TCF12: variants seen among roughly 807,000 people sequenced by gnomAD.
The protein encoded by TCF12 is transcription factor 12.
In TCF12, 45 loss-of-function variants were observed where a neutral mutation model predicts 86.0. That is an observed-to-expected ratio of 0.52 (90% CI 0.41 to 0.67). The LOEUF (loss-of-function observed/expected upper bound fraction) is 0.67, where lower values mean the gene tolerates loss of function less well. Ranked by LOEUF, TCF12 falls within the 30% of genes least tolerant of loss-of-function variation. TCF12 has a pLI of 0.00. For synonymous variants in TCF12, 330 were observed against 299.6 expected (o/e 1.10, Z -1.05); for missense variants, 881 against 859.9 (o/e 1.02, Z -0.31).
rs1555514019 is a variant in TCF12 at position 57,133,639 on chromosome 15, T to TTC, written c.326-32763_326-32762insTC. ...GCAGTAATGTGTTTTTTTTTTTTTT[T>TTC]CCCATCTGTGAATAGCAAGTGCTGG... is the stretch of plus-strand genomic sequence containing the variant. On this transcript the variant is annotated intron_variant, in intron 5 of 20. Transcript: ENST00000333725. Among the ~76,000 whole-genome samples the TTC allele has an allele frequency of 4.6e-5, 7 of 150,548 alleles. No individual in the cohort carries two copies. In the South Asian group the frequency reaches 6.3e-4, roughly 14 times the overall value.
At chr15:57,135,124 T>C (rs537474668) in intron 5 of TCF12, among the ~76,000 whole-genome samples, 132 of 152,294 alleles carry the variant, frequency 8.7e-4, no homozygotes, top group African/African-American at 3.1e-3. Context: ...GATAATGGAT[T>C]GTGGTATATG....
chr15:56,938,065 CAGAT>C (rs1194362581), intron 3 of TCF12, among the ~76,000 whole-genome samples: 6 of 38,916 alleles, frequency 1.5e-4, no homozygotes, highest in South Asian at 1.0e-3. Flanking sequence ...TTTTTTGAGA[CAGAT>C]AGCTAGTATT....
intron 18 of TCF12, among the ~76,000 whole-genome samples, chr15:57,269,851 A>C (rs1226232127): frequency 6.6e-6 from 1 of 152,132 alleles, no homozygotes; most frequent in Non-Finnish European, 1.5e-5. Flanking sequence ...CTGGGTTGAA[A>C]ATTCTTTTCT....
At chr15:57,221,547 T>A (rs538688455) in intron 8 of TCF12, among the ~76,000 whole-genome samples, 1 of 150,568 alleles carries the variant, frequency 6.6e-6, no homozygotes, top group African/African-American at 2.4e-5. Flanking sequence ...GGGAGGGGGG[T>A]AGGGGGAGCT....
chr15:57,178,194 A>G (rs532967667), intron 6 of TCF12, among the ~76,000 whole-genome samples: 6 of 152,196 alleles, frequency 3.9e-5, no homozygotes, highest in African/African-American at 9.7e-5. Flanking sequence ...GGCAGAACAA[A>G]TGAAGCCGGA....
intron 12 of TCF12, among the ~76,000 whole-genome samples, chr15:57,237,948 T>G (rs924275420): frequency 1.3e-5 from 2 of 152,182 alleles, no homozygotes; most frequent in Admixed American, 1.3e-4. Flanking sequence ...CCATACACAT[T>G]CTTTTTATGA....
intron 3 of TCF12, among the ~76,000 whole-genome samples, chr15:56,926,556 C>G (rs575188748): frequency 6.6e-6 from 1 of 152,282 alleles, no homozygotes; most frequent in African/African-American, 2.4e-5. Context: ...ACTGGTCTTA[C>G]AGCTGAGGAA....
chr15:57,091,458 G>C (rs1471665177), intron 4 of TCF12, among the ~76,000 whole-genome samples: 1 of 152,050 alleles, frequency 6.6e-6, no homozygotes, highest in Non-Finnish European at 1.5e-5. Context: ...TAATCTTAGA[G>C]GTAATTTTAG....
At chr15:57,014,335 T>G (rs2566850) in intron 3 of TCF12, among the ~76,000 whole-genome samples, 151,964 of 152,204 alleles carry the variant, frequency 1, 75,864 homozygotes, top group East Asian at 1. Flanking sequence ...GGGCTGTTAG[T>G]CAGGATATTT....
intron 6 of TCF12, among the ~76,000 whole-genome samples, chr15:57,170,719 ATATT>A (rs1567559100): frequency 4.2e-4 from 1 of 2,386 alleles, no homozygotes; most frequent in African/African-American, 1.1e-3. Context: ...TATAATATAT[ATATT>A]ATATATTATA....
intron 3 of TCF12, among the ~76,000 whole-genome samples, chr15:56,956,654 G>A (rs1418495433): frequency 6.6e-6 from 1 of 151,846 alleles, no homozygotes; most frequent in Non-Finnish European, 1.5e-5. Flanking sequence ...TATTTTTCCT[G>A]GGTACAGAAT....
At chr15:57,235,655 C>T (rs528769352) in intron 12 of TCF12, among the ~76,000 whole-genome samples, 1 of 152,300 alleles carries the variant, frequency 6.6e-6, no homozygotes, top group Non-Finnish European at 1.5e-5. Context: ...ATTTGATTGG[C>T]TTGCCATATT....
Position 57,072,168 on chromosome 15 carries a change from A to G in TCF12, c.222+8345A>G, listed in dbSNP as rs558171317. On this transcript the variant is annotated intron_variant, in intron 4 of 20. Transcript: ENST00000333725. Reference sequence around the variant, plus strand: ...GAAATAAGACTTGGATTGGGAGGATAGTAATCAGATTGCAAAGTTATATAA... The same window carrying G: ...GAAATAAGACTTGGATTGGGAGGATGGTAATCAGATTGCAAAGTTATATAA... 3.3e-5 allele frequency among the ~76,000 whole-genome samples: 5 copies of G among 152,358 alleles called. No homozygotes were observed. In the East Asian group the frequency reaches 9.6e-4, roughly 29 times the overall value.
intron 3 of TCF12, among the ~76,000 whole-genome samples, chr15:57,049,938 A>G (rs1489942610): frequency 6.6e-6 from 1 of 152,184 alleles, no homozygotes; most frequent in East Asian, 1.9e-4. Flanking sequence ...TTAATCAAAT[A>G]TTTTTTGTAT....
rs144568980 is a variant in TCF12, at chr15:57,228,126, GCTGA to G, written c.580-3023_580-3020del. ...GAGACTTGCTCTTTTTGTGGAATTG[GCTGA>G]CTATTTCCCTACATCTGGAGTTAAT... is the stretch of plus-strand genomic sequence containing the variant. On this transcript the variant is annotated intron_variant, in intron 8 of 20. Transcript: ENST00000333725. Among the ~76,000 whole-genome samples the G allele has an allele frequency of 6.3e-3, 961 of 152,054 alleles. 8 individuals are homozygous for G. The highest frequency in any genetic ancestry group is 0.022 in the African/African-American group (897 of 41,524).
chr15:57,157,116 G>A (rs2054163922), intron 5 of TCF12, among the ~76,000 whole-genome samples: 1 of 152,200 alleles, frequency 6.6e-6, no homozygotes, highest in Admixed American at 6.5e-5. Context: ...GGAGTAAGTG[G>A]AGTAAATAGG....
chr15:56,941,663 C>T (rs759677854), intron 3 of TCF12, among the ~76,000 whole-genome samples: 4 of 151,026 alleles, frequency 2.6e-5, no homozygotes, highest in Non-Finnish European at 5.9e-5. Flanking sequence ...GCGTGAGTCA[C>T]GTGCCTGGTC....
intron 3 of TCF12, among the ~76,000 whole-genome samples, chr15:56,948,787 C>T (rs183240527): frequency 2.0e-5 from 3 of 152,142 alleles, no homozygotes; most frequent in African/African-American, 7.2e-5. Context: ...ATTCACCTTC[C>T]GACATCTTCC....
intron 5 of TCF12, among the ~76,000 whole-genome samples, chr15:57,134,729 T>C (rs1051670364): frequency 6.6e-6 from 1 of 152,132 alleles, no homozygotes; most frequent in Non-Finnish European, 1.5e-5. Context: ...TTAAATTTGC[T>C]CATACCATGG....
Sources: gnomAD v4.1 joint callset for allele counts (sites outside exome capture counted in the v4.1 genomes callset) on GRCh38, gnomAD v4.1.1 for gene constraint, MANE v1.5 for transcripts, NCBI Gene and HGNC (gene_info 2026-07-23, HGNC 2026-07-21) for gene names.